AVIL: variants seen among roughly 807,000 people sequenced by gnomAD.
The protein encoded by AVIL is advillin.
A neutral mutation model predicts 109.9 loss-of-function variants in AVIL; 78 were observed. The ratio of observed to expected loss-of-function variants is 0.71; its 90% CI spans 0.59 to 0.86. AVIL has a LOEUF of 0.86. Among genes scored for constraint, AVIL ranks in the 40% least tolerant of loss-of-function variants. The probability of loss-of-function intolerance (pLI) is 0.00; values close to 1 mark genes in which losing one functional copy is unlikely to be tolerated. For synonymous variants in AVIL, 367 were observed against 379.1 expected (o/e 0.97, Z 0.37); for missense variants, 892 against 1,016.5 (o/e 0.88, Z 1.67).
At position 57,809,868 on chromosome 12, in the gene AVIL, G is replaced by C. The variant is rs746120463; in HGVS notation, c.784C>G (p.Leu262Val). 1.2e-6 allele frequency: 2 copies of C among 1,614,202 alleles called. No individual in the cohort carries two copies. The highest frequency in any genetic ancestry group is 4.5e-5 in the East Asian group (2 of 44,886). ...CTTGTTGCTACCTCTGTGACTGCCA[G>C]CTGCCCAGCTGAATCTGAGATACTG... Reference protein sequence around the residue: ...LYHISDSAGQLAVTEVATRPL... With the variant: ...LYHISDSAGQVAVTEVATRPL... The change falls in exon 8 of 20, where the codon CTG becomes GTG. Residue 262 changes from leucine to valine, a missense_variant. By Grantham distance (32) the Leu-to-Val change is conservative. Transcript: ENST00000549994.
Position 57,803,634 on chromosome 12 carries a change from C to G in AVIL, c.1707G>C (p.Glu569Asp), listed in dbSNP as rs1231715675. The change falls in exon 15 of 20, where the codon GAG (glutamate) becomes GAC (aspartate). Residue 569 changes from glutamate (E) to aspartate (D), a missense_variant. Glu to Asp is a conservative substitution (Grantham distance 45). Coordinates refer to ENST00000549994, the MANE Select transcript of AVIL (RefSeq NM_006576.4). ...SSGDERAMAKELASLLCDGSE... is the reference protein window; with the variant it reads ...SSGDERAMAKDLASLLCDGSE... Reference sequence around the variant, plus strand: ...TGCCATCACAGAGAAGGCTGGCCAGCTCCTTAGCCATTGCCCGCTCATCCC... The same window carrying G: ...TGCCATCACAGAGAAGGCTGGCCAGGTCCTTAGCCATTGCCCGCTCATCCC... 19 of 1,614,184 alleles carry G rather than the reference C, an allele frequency of 1.2e-5. No homozygotes were observed. Among genetic ancestry groups the G allele is most frequent in the Non-Finnish European group, 1.6e-5 (19 of 1,180,032 alleles).
rs370026108 is a variant in AVIL at position 57,810,946 on chromosome 12, A to G, written c.448-20T>C. ...TTCCACCTGTCGATGAGAGGTAAAC[A>G]TTGTTCAGGAGGAATTCTTAGGTGC... On this transcript the variant is annotated intron_variant, in intron 5 of 19. Transcript: ENST00000549994. 3.5e-5 allele frequency: 57 copies of G among 1,613,854 alleles called. No homozygotes were observed. The highest frequency in any genetic ancestry group is 4.7e-5 in the Non-Finnish European group (55 of 1,179,890).
In AVIL at chr12:57,813,431, G is replaced by A. The variant is rs201585482; in HGVS notation, c.142-8C>T. On this transcript the variant is annotated splice_polypyrimidine_tract_variant and splice_region_variant and intron_variant, in intron 3 of 19. Transcript: ENST00000549994. Reference sequence around the variant, plus strand: ...ACTGGCCACTCTCCGGGTCTGGGAGGTAGTCAGAGAGATCAGGTCAGAGGC... The same window carrying A: ...ACTGGCCACTCTCCGGGTCTGGGAGATAGTCAGAGAGATCAGGTCAGAGGC... 6.2e-7 allele frequency: 1 copy of A among 1,612,158 alleles called. No individual in the cohort carries two copies. The highest frequency in any genetic ancestry group is 2.2e-5 in the East Asian group (1 of 44,862).
chr12:57,800,078 G>T, intron 18 of AVIL, 158 bp from the exon 19 acceptor site: 1 of 966,936 alleles, frequency 1.0e-6, no homozygotes, highest in Non-Finnish European at 1.5e-6. Context: ...CTGCATGTCA[G>T]AATCATCTGG....
chr12:57,811,908 T>G (rs964766317), intron 4 of AVIL, among the ~76,000 whole-genome samples: 1 of 152,396 alleles, frequency 6.6e-6, no homozygotes, highest in Non-Finnish European at 1.5e-5. Context: ...TCCCTTTATC[T>G]GCCTGTCCTA....
chr12:57,797,831 G>T lies in AVIL; in HGVS notation c.*51C>A. The T allele has an allele frequency of 1.5e-6, 2 of 1,339,048 alleles. No homozygotes were observed. The highest frequency in any genetic ancestry group is 1.0e-6 in the Non-Finnish European group (1 of 984,038). The allele number at this position is 1,339,048 out of a possible 1,614,324, so 82.9% of individuals were successfully genotyped here. A position where few individuals can be genotyped will look rare whatever the true frequency, so the allele number is the denominator to read the frequency against. Reference sequence around the variant, plus strand: ...GTGGATAAATTATTTCCTGATATTGGCACTATCTGCTCTTTTCTGTGGCCT... The same window carrying T: ...GTGGATAAATTATTTCCTGATATTGTCACTATCTGCTCTTTTCTGTGGCCT... On this transcript the variant is annotated 3_prime_UTR_variant, in exon 20 of 20. Transcript: ENST00000549994.
At chr12:57,801,902 G>T (rs1158565232) in intron 17 of AVIL, among the ~76,000 whole-genome samples, 1 of 152,204 alleles carries the variant, frequency 6.6e-6, no homozygotes, top group East Asian at 1.9e-4. Flanking sequence ...TCAAAAAGAT[G>T]ATGTGTATGG....
At chr12:57,806,325 A>T in intron 14 of AVIL, 35 bp downstream of exon 14, 1 of 1,611,840 alleles carries the variant, frequency 6.2e-7, no homozygotes, top group South Asian at 1.1e-5. Context: ...CTGGGCTCCG[A>T]GGGGCTGGTC....
chr12:57,807,937 T>C, intron 11 of AVIL: 2 of 835,200 alleles, frequency 2.4e-6, no homozygotes. Flanking sequence ...GAGCATCCCA[T>C]CATGGCTCGG....
Position 57,810,908 on chromosome 12 carries a change from T to G in AVIL, c.466A>C (p.Ser156Arg), listed in dbSNP as rs149286296. Residue 156 changes from serine to arginine, a missense_variant, in exon 6 of 20, where the codon AGT (serine) becomes CGT (arginine). Coordinates refer to ENST00000549994, the MANE Select transcript of AVIL (RefSeq NM_006576.4). ...RATEVEMSWDSFNRGDVFLLD... is the reference protein window; with the variant it reads ...RATEVEMSWDRFNRGDVFLLD... ...AAGAAGACATCACCTCGGTTGAAAC[T>G]GTCCCAGCTCATTTCCACCTGTCGA... The G allele has an allele frequency of 2.4e-5, 38 of 1,614,102 alleles. No homozygotes were observed. The highest frequency in any genetic ancestry group is 3.1e-5 in the Non-Finnish European group (37 of 1,180,040).
At chr12:57,800,995 A>G (rs1955835584) in intron 18 of AVIL, 149 bp downstream of exon 18, 2 of 572,318 alleles carry the variant, frequency 3.5e-6, no homozygotes, top group African/African-American at 3.8e-5. Context: ...CTGCTTTTCT[A>G]TTGATTACAA....
chr12:57,804,960 T>C (rs976607938), intron 14 of AVIL, among the ~76,000 whole-genome samples: 19 of 152,234 alleles, frequency 1.2e-4, no homozygotes, highest in African/African-American at 3.4e-4. Context: ...TTCTAATAGA[T>C]GTGTAGTGGT....
At position 57,814,494 on chromosome 12, in the gene AVIL, G is replaced by A. The variant is rs894607752; in HGVS notation, c.67-268C>T. 35 of 429,740 alleles carry A rather than the reference G, an allele frequency of 8.1e-5. No individual in the cohort carries two copies. In the Admixed American group the frequency reaches 1.1e-3, roughly 14 times the overall value. 26.6% of individuals were successfully genotyped at this position (429,740 alleles called of 1,614,324 possible). A position where few individuals can be genotyped will look rare whatever the true frequency, so the allele number is the denominator to read the frequency against. ...CTATTCTCCACTCTACTTCCCACCC[G>A]ATCTCATCTCGCACTATTGTGGGAA... On this transcript the variant is annotated intron_variant, in intron 2 of 19. Coordinates refer to ENST00000549994, the MANE Select transcript of AVIL (RefSeq NM_006576.4).
At chr12:57,804,949 A>G (rs1955920270) in intron 14 of AVIL, among the ~76,000 whole-genome samples, 1 of 152,116 alleles carries the variant, frequency 6.6e-6, no homozygotes, top group South Asian at 2.1e-4. Context: ...TTTTTTAACC[A>G]TTCTAATAGA....
At chr12:57,798,863 C>T (rs987505947) in intron 19 of AVIL, among the ~76,000 whole-genome samples, 5 of 152,148 alleles carry the variant, frequency 3.3e-5, no homozygotes, top group African/African-American at 9.7e-5. Context: ...GATCCACCCA[C>T]CTCACCCTCC....
intron 14 of AVIL, chr12:57,805,951 C>G (rs1955937634): frequency 5.8e-6 from 1 of 171,008 alleles, no homozygotes; most frequent in Admixed American, 5.9e-5. Flanking sequence ...ATTCTTCTGC[C>G]TCAGCCTCCT....
At position 57,810,517 on chromosome 12, in the gene AVIL, TC is replaced by T; in HGVS notation, c.592del (p.Glu198SerfsTer8). 3.7e-6 allele frequency: 6 copies of T among 1,613,994 alleles called. No homozygotes were observed. Among genetic ancestry groups the T allele is most frequent in the Non-Finnish European group, 5.1e-6 (6 of 1,180,028 alleles). On this transcript the variant is annotated frameshift_variant, in exon 7 of 20. Transcript: ENST00000549994. LOFTEE classifies it high-confidence loss of function. ...MLLAKDIRDR[E>X]RGGRAKIGVI... ...TCCTATTTTAGCACGGCCCCCTCGC[TC>T]CCTGTCTCGAATATCCTTTGCCAGA...
chr12:57,814,444 G>A (rs1956076590), intron 2 of AVIL: 2 of 549,560 alleles, frequency 3.6e-6, no homozygotes, highest in Admixed American at 6.1e-5. Context: ...TCTGAACCTT[G>A]GTCCCTATCC....
chr12:57,817,284 A>G (rs1956110885), intron 1 of AVIL, among the ~76,000 whole-genome samples: 1 of 151,516 alleles, frequency 6.6e-6, no homozygotes, highest in Non-Finnish European at 1.5e-5. Flanking sequence ...TTGGGGACAT[A>G]CTGTTTGTTA....
Sources: gnomAD v4.1 joint callset for allele counts (sites outside exome capture counted in the v4.1 genomes callset) on GRCh38, gnomAD v4.1.1 for gene constraint, MANE v1.5 for transcripts, NCBI Gene and HGNC (gene_info 2026-07-23, HGNC 2026-07-21) for gene names.